TNIK: variants seen among roughly 807,000 people sequenced by gnomAD.
TNIK encodes the protein TRAF2 and NCK interacting kinase, also known as TRAF2 and NCK-interacting protein kinase.
A neutral mutation model predicts 191.3 loss-of-function variants in TNIK; 49 were observed. That is an observed-to-expected ratio of 0.26 (90% CI 0.20 to 0.32). The LOEUF (loss-of-function observed/expected upper bound fraction) is 0.32. Ranked by LOEUF, TNIK falls within the 10% of genes least tolerant of loss-of-function variation. The pLI is 1.00. For synonymous variants in TNIK, 594 were observed against 600.9 expected (o/e 0.99, Z 0.17); for missense variants, 1,155 against 1,702.3 (o/e 0.68, Z 5.66).
chr3:171,361,141 C>G (rs532367825), intron 2 of TNIK, among the ~76,000 whole-genome samples: 1 of 145,266 alleles, frequency 6.9e-6, no homozygotes, highest in South Asian at 2.1e-4. Flanking sequence ...AGCTCTCTAT[C>G]CTGGCTGTGC....
At chr3:171,299,319 C>T (rs932156146) in intron 2 of TNIK, among the ~76,000 whole-genome samples, 34 of 152,152 alleles carry the variant, frequency 2.2e-4, no homozygotes, top group Non-Finnish European at 2.8e-4. Context: ...AGTTTGGTGT[C>T]ATCCTGTGTG....
chr3:171,221,935 T>C (rs901074667), intron 3 of TNIK, among the ~76,000 whole-genome samples: 12 of 152,172 alleles, frequency 7.9e-5, no homozygotes, highest in Non-Finnish European at 1.5e-4. Flanking sequence ...CTAAAATCTT[T>C]TCATTCCTAT....
rs142120664 is a variant in TNIK at position 171,124,630 on chromosome 3, T to C, written c.2014-928A>G. ...AAAATTTAATTTTTATTATTCATTT[T>C]AACATAAAGATGAGTCAGTAAAGTA... On this transcript the variant is annotated intron_variant, in intron 17 of 32. Coordinates refer to ENST00000436636, the MANE Select transcript of TNIK (RefSeq NM_015028.4). Among the ~76,000 whole-genome samples the C allele has an allele frequency of 3.6e-3, 545 of 152,350 alleles. 6 individuals carry two copies. The highest frequency in any genetic ancestry group is 0.012 in the African/African-American group (516 of 41,588).
intron 1 of TNIK, among the ~76,000 whole-genome samples, chr3:171,406,872 T>C (rs116536113): frequency 1.8e-3 from 278 of 152,360 alleles, no homozygotes; most frequent in Non-Finnish European, 3.2e-3. Flanking sequence ...GATTCAGTAC[T>C]GAACATCTAA....
chr3:171,207,341 C>CA (rs1315649855), intron 4 of TNIK, among the ~76,000 whole-genome samples: 7 of 151,900 alleles, frequency 4.6e-5, no homozygotes, highest in Admixed American at 3.9e-4. Context: ...CAACAATATA[C>CA]AAATTCTTTT....
intron 1 of TNIK, among the ~76,000 whole-genome samples, chr3:171,397,553 C>G (rs937093207): frequency 2.0e-5 from 3 of 152,146 alleles, no homozygotes; most frequent in African/African-American, 7.2e-5. Flanking sequence ...TCCACATTCC[C>G]CTCATCTTGA....
At position 171,460,238 on chromosome 3, in the gene TNIK, C is replaced by A. The variant is rs553375421; in HGVS notation, c.-175G>T. The A allele has an allele frequency of 1.7e-4, 137 of 790,088 alleles. 2 individuals carry two copies. In the South Asian group the frequency reaches 2.2e-3, roughly 13 times the overall value. 48.9% of individuals were successfully genotyped at this position (790,088 alleles called of 1,614,324 possible). ...CGCCGGATCCCGATCCTCCGCGCGT[C>A]GGTCCGCCGGGTCCGGGAGCCCAGC... is the stretch of plus-strand genomic sequence containing the variant. On this transcript the variant is annotated 5_prime_UTR_variant, in exon 1 of 33. Transcript: ENST00000436636. The surrounding 1 kb of genome is among the most constrained non-coding windows in gnomAD (Gnocchi z 6.8).
At chr3:171,202,608 T>A (rs1739553878) in intron 4 of TNIK, among the ~76,000 whole-genome samples, 1 of 152,206 alleles carries the variant, frequency 6.6e-6, no homozygotes, top group Non-Finnish European at 1.5e-5. Context: ...AAAGTTCAAA[T>A]GAAATTCTTT....
intron 2 of TNIK, among the ~76,000 whole-genome samples, chr3:171,259,035 C>T (rs1258343196): frequency 6.6e-6 from 1 of 152,056 alleles, no homozygotes; most frequent in Non-Finnish European, 1.5e-5. Flanking sequence ...TAATAATCTA[C>T]ATTTTGTGAT....
At chr3:171,208,833 T>C (rs1740432456) in intron 4 of TNIK, among the ~76,000 whole-genome samples, 1 of 152,226 alleles carries the variant, frequency 6.6e-6, no homozygotes, top group African/African-American at 2.4e-5. Context: ...GTGCTGGGAT[T>C]ACAGGCGTGA....
intron 1 of TNIK, among the ~76,000 whole-genome samples, chr3:171,453,432 C>T (rs868160551): frequency 6.6e-6 from 1 of 151,944 alleles, no homozygotes; most frequent in Non-Finnish European, 1.5e-5. Context: ...TACAGAGCAT[C>T]CATGGGGGAA....
At chr3:171,393,808 T>C (rs1352288696) in intron 1 of TNIK, among the ~76,000 whole-genome samples, 1 of 151,566 alleles carries the variant, frequency 6.6e-6, no homozygotes, top group African/African-American at 2.4e-5. Flanking sequence ...AGGTATTTAT[T>C]CTATTCCAAA....
At chr3:171,273,733 C>T (rs545818810) in intron 2 of TNIK, among the ~76,000 whole-genome samples, 1 of 152,106 alleles carries the variant, frequency 6.6e-6, no homozygotes, top group South Asian at 2.1e-4. Context: ...AAAACCCGAC[C>T]TTTTTAAAAA....
At chr3:171,143,534 A>T (rs1454836197) in intron 12 of TNIK, among the ~76,000 whole-genome samples, 3 of 152,226 alleles carry the variant, frequency 2.0e-5, no homozygotes, top group Non-Finnish European at 4.4e-5. Context: ...GAGGGAAAAG[A>T]CAACACAGTA....
At position 171,431,217 on chromosome 3, in the gene TNIK, G is replaced by A. The variant is rs1053362019; in HGVS notation, c.57+28790C>T. On this transcript the variant is annotated intron_variant, in intron 1 of 32. Coordinates refer to ENST00000436636, the MANE Select transcript of TNIK (RefSeq NM_015028.4). ...ATAATGATTAACATAAAAAGGTCTT[G>A]GAATAGTATAATATGCTCCATTTAT... Among the ~76,000 whole-genome samples the A allele has an allele frequency of 3.9e-5, 6 of 151,910 alleles. No individual in the cohort carries two copies. In the East Asian group the frequency reaches 9.6e-4, roughly 24 times the overall value.
Position 171,138,397 on chromosome 3 carries a change from G to A in TNIK, c.1420-18C>T. 6.6e-7 allele frequency: 1 copy of A among 1,511,992 alleles called. No homozygotes were observed. Among genetic ancestry groups the A allele is most frequent in the Non-Finnish European group, 8.8e-7 (1 of 1,131,934 alleles). 93.7% of individuals were successfully genotyped at this position (1,511,992 alleles called of 1,614,324 possible). A position where few individuals can be genotyped will look rare whatever the true frequency, so the allele number is the denominator to read the frequency against. ...TTATATTCCTGTCCAGATCAGGAAAGAGGAGCAAAGAAAAGGCCAAATTAT... is the reference window on the plus strand; with the variant it reads ...TTATATTCCTGTCCAGATCAGGAAAAAGGAGCAAAGAAAAGGCCAAATTAT... On this transcript the variant is annotated intron_variant, in intron 14 of 32. Coordinates refer to ENST00000436636, the MANE Select transcript of TNIK (RefSeq NM_015028.4).
intron 2 of TNIK, among the ~76,000 whole-genome samples, chr3:171,269,391 C>T (rs192445360): frequency 2.6e-4 from 39 of 152,306 alleles, no homozygotes; most frequent in South Asian, 2.3e-3. Context: ...ATGACAAAGA[C>T]GCTGTTAATC....
At chr3:171,244,335 G>C (rs1745350038) in intron 2 of TNIK, among the ~76,000 whole-genome samples, 1 of 152,102 alleles carries the variant, frequency 6.6e-6, no homozygotes, top group African/African-American at 2.4e-5. Context: ...AAAGTGCTGG[G>C]ATTACAGGCG....
intron 2 of TNIK, among the ~76,000 whole-genome samples, chr3:171,267,944 C>T (rs1351637673): frequency 6.6e-6 from 1 of 152,180 alleles, no homozygotes; most frequent in Non-Finnish European, 1.5e-5. Flanking sequence ...CAATTGCAAG[C>T]CTTGCTGATG....
Sources: gnomAD v4.1 joint callset for allele counts (sites outside exome capture counted in the v4.1 genomes callset) on GRCh38, gnomAD v4.1.1 for gene constraint, Gnocchi (gnomAD v3.1) non-coding constraint, MANE v1.5 for transcripts, NCBI Gene and HGNC (gene_info 2026-07-23, HGNC 2026-07-21) for gene names.